PACS1: variants seen among roughly 807,000 people sequenced by gnomAD.
The protein encoded by PACS1 is phosphofurin acidic cluster sorting protein 1, also known as PACS-1.
In PACS1, 24 loss-of-function variants were observed where a neutral mutation model predicts 115.0. The ratio of observed to expected loss-of-function variants is 0.21; its 90% CI spans 0.15 to 0.29. PACS1 has a LOEUF of 0.29. Among genes scored for constraint, PACS1 ranks in the 10% least tolerant of loss-of-function variants. PACS1 has a pLI of 1.00. For synonymous variants in PACS1, 453 were observed against 504.5 expected (o/e 0.90, Z 1.37); for missense variants, 838 against 1,251.2 (o/e 0.67, Z 4.98).
chr11:66,220,885 G>A, intron 9 of PACS1, 94 bp downstream of exon 9: 2 of 1,351,000 alleles, frequency 1.5e-6, no homozygotes, highest in Non-Finnish European at 2.0e-6. Context: ...TATTACCAGA[G>A]AATCTTGGTC....
At chr11:66,113,109 A>G (rs1428817985) in intron 1 of PACS1, among the ~76,000 whole-genome samples, 1 of 152,240 alleles carries the variant, frequency 6.6e-6, no homozygotes, top group African/African-American at 2.4e-5. Flanking sequence ...TGTATCTTAA[A>G]TATGGTGGTG....
At chr11:66,081,133 T>C (rs1419167204) in intron 1 of PACS1, among the ~76,000 whole-genome samples, 1 of 151,924 alleles carries the variant, frequency 6.6e-6, no homozygotes, top group Non-Finnish European at 1.5e-5. Flanking sequence ...CTTGGGAGGC[T>C]GAGGCTGGAG....
At chr11:66,199,779 G>A (rs1657799163) in intron 2 of PACS1, among the ~76,000 whole-genome samples, 1 of 151,842 alleles carries the variant, frequency 6.6e-6, no homozygotes, top group South Asian at 2.1e-4. Flanking sequence ...CAGCACTTTG[G>A]GAGCCCAAGG....
At chr11:66,118,177 C>T (rs1858349533) in intron 1 of PACS1, among the ~76,000 whole-genome samples, 1 of 152,176 alleles carries the variant, frequency 6.6e-6, no homozygotes, top group South Asian at 2.1e-4. Context: ...GGGGTTGGTG[C>T]ATATTTATGG....
chr11:66,166,027 A>C (rs186721665), intron 1 of PACS1, among the ~76,000 whole-genome samples: 5 of 152,266 alleles, frequency 3.3e-5, no homozygotes, highest in Non-Finnish European at 5.9e-5. Context: ...ATCTTGCACA[A>C]ATCATTTTCT....
chr11:66,154,577 A>T (rs1859312133), intron 1 of PACS1, among the ~76,000 whole-genome samples: 1 of 152,226 alleles, frequency 6.6e-6, no homozygotes, highest in South Asian at 2.1e-4. Context: ...AAAATAACAG[A>T]TAACTGGAAA....
Position 66,222,826 on chromosome 11 carries a change from G to T in PACS1, c.1293+1579G>T, listed in dbSNP as rs539961469. 5.3e-5 allele frequency among the ~76,000 whole-genome samples: 8 copies of T among 152,092 alleles called. No homozygotes were observed. The South Asian group carries it at 1.7e-3, about 32-fold the overall frequency. On this transcript the variant is annotated intron_variant, in intron 10 of 23. Coordinates refer to ENST00000320580, the MANE Select transcript of PACS1 (RefSeq NM_018026.4). ...CCACCTTCTCTTGGGGCATCCCCTGGCTGCCCTTCTGCCTGTTGCCACCAG... is the reference window on the plus strand; with the variant it reads ...CCACCTTCTCTTGGGGCATCCCCTGTCTGCCCTTCTGCCTGTTGCCACCAG...
At chr11:66,133,509 G>A (rs925165685) in intron 1 of PACS1, among the ~76,000 whole-genome samples, 3 of 152,174 alleles carry the variant, frequency 2.0e-5, no homozygotes, top group Non-Finnish European at 4.4e-5. Flanking sequence ...TAGATCCAGA[G>A]ATGTCATTGA....
intron 1 of PACS1, among the ~76,000 whole-genome samples, chr11:66,085,128 G>A (rs145514922): frequency 2.1e-3 from 327 of 152,300 alleles, no homozygotes; most frequent in African/African-American, 7.1e-3. Context: ...CTAACGCAGC[G>A]AAATAGAAAA....
In PACS1 at chr11:66,193,522, A is replaced by G. The variant is rs767189056; in HGVS notation, c.393A>G (p.Leu131=). 1.2e-6 allele frequency: 2 copies of G among 1,613,762 alleles called. No individual in the cohort carries two copies. Among genetic ancestry groups the G allele is most frequent in the Non-Finnish European group, 1.7e-6 (2 of 1,179,666 alleles). ...TGACCCTGAAGAAACTCGTCATGCT[A>G]AAAGAAATGGACAAAGATCTTAACT... ...FSLTLKKLVM[L]KEMDKDLNSV... The change falls in exon 2 of 24, where the codon CTA becomes CTG. Residue 131 remains leucine, a synonymous_variant. Coordinates refer to ENST00000320580, the MANE Select transcript of PACS1 (RefSeq NM_018026.4).
At chr11:66,167,931 C>T (rs1859644616) in intron 1 of PACS1, among the ~76,000 whole-genome samples, 1 of 150,218 alleles carries the variant, frequency 6.7e-6, no homozygotes, top group Non-Finnish European at 1.5e-5. Flanking sequence ...GCCTAATTTC[C>T]CCACCTTGTT....
rs544259020 is a variant in PACS1 at position 66,193,314 on chromosome 11, A to T, written c.357-172A>T. Among the ~76,000 whole-genome samples the T allele has an allele frequency of 2.6e-5, 4 of 152,298 alleles. No individual in the cohort carries two copies. In the South Asian group the frequency reaches 8.3e-4, roughly 32 times the overall value. On this transcript the variant is annotated intron_variant, in intron 1 of 23. Transcript: ENST00000320580. ...ATAGTGAGACCCATCTCTTAAAAGT[A>T]TAAACATTAAGTAAGAGGGGATGCT...
At chr11:66,201,485 A>G (rs1452141576) in intron 2 of PACS1, among the ~76,000 whole-genome samples, 3 of 152,176 alleles carry the variant, frequency 2.0e-5, no homozygotes, top group Non-Finnish European at 2.9e-5. Flanking sequence ...ATAAGTGCCT[A>G]CATCAAAAAA....
Position 66,159,203 on chromosome 11 carries a change from C to G in PACS1, c.357-34283C>G, listed in dbSNP as rs1197427181. Among the ~76,000 whole-genome samples the G allele has an allele frequency of 5.9e-5, 9 of 152,202 alleles. No individual in the cohort carries two copies. The South Asian group carries it at 1.7e-3, about 28-fold the overall frequency. The stretch of plus-strand genomic sequence containing the variant: ...CTATAATCCCAGCACTTTGGGAGGC[C>G]AAGGCAGGTGGATCACCTGAAGTCG... On this transcript the variant is annotated intron_variant, in intron 1 of 23. Transcript: ENST00000320580.
At chr11:66,200,444 T>C (rs1854760494) in intron 2 of PACS1, among the ~76,000 whole-genome samples, 1 of 151,002 alleles carries the variant, frequency 6.6e-6, no homozygotes, top group South Asian at 2.1e-4. Flanking sequence ...AAATAAAGGG[T>C]TGGAAAAATA....
intron 1 of PACS1, among the ~76,000 whole-genome samples, chr11:66,120,148 C>CTTTTTT (rs367965167): frequency 7.4e-6 from 1 of 135,322 alleles, no homozygotes; most frequent in African/African-American, 2.8e-5. Context: ...TCTGTGAACT[C>CTTTTTT]TTTTTTTTTT....
Position 66,236,452 on chromosome 11 carries a change from T to A in PACS1, c.2250+512T>A, listed in dbSNP as rs1855706228. Among the ~76,000 whole-genome samples, 2 of 152,218 alleles carry A rather than the reference T, an allele frequency of 1.3e-5. No individual in the cohort carries two copies. The highest frequency in any genetic ancestry group is 6.5e-5 in the Admixed American group (1 of 15,280). ...AGTCTGAAAACAGATACTTCTGTCT[T>A]CATGGTTGGATAGGCCACTGAGAGG... On this transcript the variant is annotated intron_variant, in intron 19 of 23. Transcript: ENST00000320580. This position sits in a 1 kb window ranked among gnomAD's most constrained non-coding sequence, Gnocchi z 4.2.
chr11:66,211,378 TTCTGTTTTAC>T, intron 4 of PACS1, 119 bp downstream of exon 4: 2 of 1,003,366 alleles, frequency 2.0e-6, no homozygotes, highest in Non-Finnish European at 2.9e-6. Context: ...AGGTGCTTAA[TTCTGTTTTAC>T]GAGTTAATTA....
chr11:66,086,329 G>A (rs533440751), intron 1 of PACS1, among the ~76,000 whole-genome samples: 1 of 151,788 alleles, frequency 6.6e-6, no homozygotes, highest in African/African-American at 2.4e-5. Flanking sequence ...TAGTAGAGAC[G>A]GGGTTTCACT....
Sources: gnomAD v4.1 joint callset for allele counts (sites outside exome capture counted in the v4.1 genomes callset) on GRCh38, gnomAD v4.1.1 for gene constraint, Gnocchi (gnomAD v3.1) non-coding constraint, MANE v1.5 for transcripts, NCBI Gene and HGNC (gene_info 2026-07-23, HGNC 2026-07-21) for gene names.